Variants in SNX30 observed in about 807,000 individuals in gnomAD.
The protein encoded by SNX30 is sorting nexin family member 30.
A neutral mutation model predicts 46.4 loss-of-function variants in SNX30; 24 were observed. The observed-to-expected ratio is 0.52, with a 90% CI of 0.37 to 0.73. The LOEUF (loss-of-function observed/expected upper bound fraction) is 0.73, where lower values mean the gene tolerates loss of function less well. SNX30 is among the 30% of genes least tolerant of loss of function. The pLI is 0.00. For missense variants in SNX30, 533 were observed against 555.7 expected, an observed-to-expected ratio of 0.96 and a Z score of 0.41; for synonymous variants, 189 against 211.5, an observed-to-expected ratio of 0.89 and a Z score of 0.92.
chr9:112,851,054 G>A (rs937002778), intron 7 of SNX30, 109 bp downstream of exon 7: 5 of 696,776 alleles, frequency 7.2e-6, no homozygotes, highest in Non-Finnish European at 1.2e-5. Context: ...TGCCGGCTGG[G>A]CTACGTTGAT....
chr9:112,846,668 G>A (rs1588136827), intron 6 of SNX30, among the ~76,000 whole-genome samples: 3 of 152,196 alleles, frequency 2.0e-5, no homozygotes, highest in African/African-American at 4.8e-5. Flanking sequence ...GTCTTGGGTC[G>A]TCAGCCCTGG....
intron 4 of SNX30, among the ~76,000 whole-genome samples, chr9:112,832,453 A>AGTGT (rs1840675755): frequency 1.6e-5 from 2 of 121,330 alleles, no homozygotes; most frequent in African/African-American, 7.7e-5. Context: ...AGAGAGAGAG[A>AGTGT]GAGAGAGTGT....
intron 1 of SNX30, among the ~76,000 whole-genome samples, chr9:112,758,086 G>C (rs1839379076): frequency 6.6e-6 from 1 of 152,084 alleles, no homozygotes; most frequent in East Asian, 1.9e-4. Flanking sequence ...TAGAGAAGAT[G>C]GAAGCCACCA....
At chr9:112,807,423 T>A (rs1020569685) in intron 2 of SNX30, among the ~76,000 whole-genome samples, 20 of 152,168 alleles carry the variant, frequency 1.3e-4, no homozygotes, top group African/African-American at 4.6e-4. Context: ...TGTAAGTACG[T>A]GTGCACATGC....
At chr9:112,772,884 A>G (rs542900770) in intron 1 of SNX30, among the ~76,000 whole-genome samples, 24 of 152,362 alleles carry the variant, frequency 1.6e-4, no homozygotes, top group Middle Eastern at 3.4e-3. Context: ...TGAAAAGGCT[A>G]CTTGAAAAGT....
intron 1 of SNX30, among the ~76,000 whole-genome samples, chr9:112,796,258 G>T (rs1386412944): frequency 1.3e-5 from 2 of 152,242 alleles, no homozygotes; most frequent in African/African-American, 4.8e-5. Context: ...GAGGCCCGGT[G>T]TGCTAGTGTT....
chr9:112,823,965 T>C (rs938093781), intron 3 of SNX30, among the ~76,000 whole-genome samples: 6 of 152,218 alleles, frequency 3.9e-5, no homozygotes, highest in Non-Finnish European at 7.3e-5. Context: ...TAATTTTTGC[T>C]TAGAAGCAGT....
At chr9:112,761,204 CCAGGCT>C (rs1438650630) in intron 1 of SNX30, among the ~76,000 whole-genome samples, 17 of 152,310 alleles carry the variant, frequency 1.1e-4, no homozygotes, top group Non-Finnish European at 2.2e-4. Context: ...GCTCTGTCAT[CCAGGCT>C]GGAGTGCAGT....
At chr9:112,760,538 G>A (rs79662437) in intron 1 of SNX30, among the ~76,000 whole-genome samples, 15,356 of 152,136 alleles carry the variant, frequency 0.1, 853 homozygotes, top group African/African-American at 0.13. Context: ...GTGAATGGTC[G>A]TGTCCTTCAA....
chr9:112,827,741 T>C (rs112495508), intron 3 of SNX30, among the ~76,000 whole-genome samples: 3 of 152,310 alleles, frequency 2.0e-5, no homozygotes, highest in African/African-American at 7.2e-5. Flanking sequence ...TTATGGGGGT[T>C]TGAGGAGGTT....
chr9:112,750,604 C>CGGGCGG (rs1839247647), upstream of SNX30: 1 of 152,538 alleles, frequency 6.6e-6, no homozygotes, highest in Non-Finnish European at 1.5e-5. Flanking sequence ...CACTTCCTGC[C>CGGGCGG]GGGCGGGGGC....
In SNX30 at chr9:112,804,846, A is replaced by G. The variant is rs1289559445; in HGVS notation, c.227A>G (p.Asn76Ser). The change falls in exon 2 of 9, where the codon AAC becomes AGC. Residue 76 changes from asparagine (N) to serine (S), a missense_variant. By Grantham distance (46) the Asn-to-Ser change is conservative. This residue lies in a region of SNX30 where 191 missense variants were observed against 160.3 expected (regional missense o/e 1.19). Transcript: ENST00000374232. ...SSPASSSSLL[N>S]RLQLDDDIDG... is the part of the protein sequence containing the mutation. Reference sequence around the variant, plus strand: ...CCAGCTTCTTCATCTTCCCTTCTCAACAGACTTCAGCTTGATGATGATATT... The same window carrying G: ...CCAGCTTCTTCATCTTCCCTTCTCAGCAGACTTCAGCTTGATGATGATATT... The G allele has an allele frequency of 3.1e-6, 5 of 1,613,918 alleles. No homozygotes were observed. The highest frequency in any genetic ancestry group is 3.4e-6 in the Non-Finnish European group (4 of 1,179,926).
At chr9:112,824,879 CGGTGTTGTACGACCATCACCACCATTG>C (rs1461068185) in intron 3 of SNX30, among the ~76,000 whole-genome samples, 8 of 152,112 alleles carry the variant, frequency 5.3e-5, no homozygotes, top group African/African-American at 1.2e-4. Context: ...AGTACATTCA[CGGTGTTGTACGACCATCACCACCATTG>C]AGTGTTGTAC....
intron 2 of SNX30, among the ~76,000 whole-genome samples, chr9:112,814,720 C>G (rs920446232): frequency 6.6e-6 from 1 of 152,120 alleles, no homozygotes; most frequent in Admixed American, 6.5e-5. Flanking sequence ...CCTGAGAATA[C>G]GTGGTAAGAA....
chr9:112,779,988 G>T (rs147950849), intron 1 of SNX30, among the ~76,000 whole-genome samples: 2 of 152,200 alleles, frequency 1.3e-5, no homozygotes, highest in African/African-American at 4.8e-5. Flanking sequence ...ATGTGTGCAA[G>T]GGTGAGGATC....
chr9:112,878,865 C>A (rs1383376946), downstream of SNX30: 1 of 152,180 alleles, frequency 6.6e-6, no homozygotes. Context: ...ATAAGAACAT[C>A]AAGTCTGTAG....
chr9:112,768,891 G>A (rs576332488), intron 1 of SNX30, among the ~76,000 whole-genome samples: 2 of 152,076 alleles, frequency 1.3e-5, no homozygotes, highest in African/African-American at 2.4e-5. Context: ...TCCCAACCTC[G>A]TGATCCGCCC....
intron 6 of SNX30, among the ~76,000 whole-genome samples, chr9:112,848,801 C>G (rs1413719391): frequency 6.6e-6 from 1 of 152,224 alleles, no homozygotes; most frequent in Non-Finnish European, 1.5e-5. Flanking sequence ...TGCAGGCCCC[C>G]TCGTCTGTTT....
At chr9:112,815,906 A>G (rs1224445000) in intron 2 of SNX30, among the ~76,000 whole-genome samples, 15 of 152,184 alleles carry the variant, frequency 9.9e-5, no homozygotes, top group Admixed American at 9.2e-4. Flanking sequence ...GCAGTGGCAC[A>G]GTCAGCTCAC....
Sources: gnomAD v4.1 joint callset for allele counts (sites outside exome capture counted in the v4.1 genomes callset) on GRCh38, gnomAD v4.1.1 for gene constraint, gnomAD v4.1.1 regional missense constraint, MANE v1.5 for transcripts, NCBI Gene and HGNC (gene_info 2026-07-23, HGNC 2026-07-21) for gene names.